The following DMD variants were observed in gnomAD, a reference collection of about 807,000 sequenced individuals.
DMD encodes the protein dystrophin.
A neutral mutation model predicts 330.1 loss-of-function variants in DMD; 63 were observed. That is an observed-to-expected ratio of 0.19 (90% CI 0.16 to 0.24). The LOEUF (loss-of-function observed/expected upper bound fraction) is 0.24, where lower values mean the gene tolerates loss of function less well. Ranked by LOEUF, DMD falls within the 10% of genes least tolerant of loss-of-function variation. DMD has a pLI of 1.00. For synonymous variants in DMD, 1,223 were observed against 959.8 expected (o/e 1.27, Z -5.07); for missense variants, 3,344 against 2,684.1 (o/e 1.25, Z -5.43).
At chrX:32,499,410 T>G (rs375539779) in intron 19 of DMD, among the ~76,000 whole-genome samples, 1 of 111,589 alleles carries the variant, frequency 9.0e-6, no homozygotes, top group Non-Finnish European at 1.9e-5. Flanking sequence ...TTTTTATTAG[T>G]GGCATAATAA....
chrX:32,264,218 C>T (rs893143183), intron 43 of DMD, among the ~76,000 whole-genome samples: 1 of 111,114 alleles, frequency 9.0e-6, no homozygotes, highest in Non-Finnish European at 1.9e-5. Flanking sequence ...CTTTGCTCGG[C>T]ACTTCTCCTT....
rs756846525 is a variant in DMD, at chrX:33,231,306, C to T, written c.7+107953G>A. ...ATTTCTTCAACCCTTACTTCTTGAG[C>T]GAACAGTCCATATGCAAATCAGTAT... On this transcript the variant is annotated intron_variant, in intron 1 of 17. Coordinates refer to the DMD transcript ENST00000288447. Among the ~76,000 whole-genome samples, 4 of 111,352 alleles carry T rather than the reference C, an allele frequency of 3.6e-5. No homozygotes were observed. The South Asian group carries it at 1.1e-3, about 32-fold the overall frequency.
intron 55 of DMD, among the ~76,000 whole-genome samples, chrX:31,528,895 C>A (rs2073455506): frequency 9.0e-6 from 1 of 111,019 alleles, no homozygotes; most frequent in Admixed American, 9.6e-5. Flanking sequence ...CTTTGGGAGG[C>A]CGAGGTAGGA....
At chrX:32,053,444 G>A (rs763366062) in intron 44 of DMD, among the ~76,000 whole-genome samples, 7 of 111,133 alleles carry the variant, frequency 6.3e-5, no homozygotes, top group Admixed American at 5.8e-4. Flanking sequence ...ATATGAATAA[G>A]GGAATGATAC....
chrX:32,239,016 G>T (rs2097198342), intron 43 of DMD, among the ~76,000 whole-genome samples: 1 of 111,783 alleles, frequency 8.9e-6, no homozygotes, highest in African/African-American at 3.3e-5. Flanking sequence ...GGATTACATA[G>T]AACAAGGTTT....
chrX:32,296,619 T>C (rs2097497759), intron 42 of DMD, among the ~76,000 whole-genome samples: 1 of 111,794 alleles, frequency 8.9e-6, no homozygotes, highest in African/African-American at 3.3e-5. Context: ...GTGGGATGTA[T>C]ATACAAACAT....
chrX:31,349,181 C>T (rs763432452), intron 60 of DMD, among the ~76,000 whole-genome samples: 3 of 112,672 alleles, frequency 2.7e-5, no homozygotes, highest in Non-Finnish European at 5.6e-5. Flanking sequence ...GTGACTCATG[C>T]CTGTAATCCC....
intron 50 of DMD, among the ~76,000 whole-genome samples, chrX:31,809,933 G>C (rs182380566): frequency 9.0e-6 from 1 of 111,109 alleles, no homozygotes; most frequent in Non-Finnish European, 1.9e-5. Flanking sequence ...GGAGATGTGG[G>C]GTTGGGTCCA....
intron 1 of DMD, among the ~76,000 whole-genome samples, chrX:33,289,209 T>C (rs2148928541): frequency 9.0e-6 from 1 of 111,399 alleles, no homozygotes; most frequent in South Asian, 3.8e-4. Context: ...TTTTTTCCTT[T>C]GAAAACCATT....
intron 51 of DMD, among the ~76,000 whole-genome samples, chrX:31,770,215 C>T (rs1056499064): frequency 4.4e-5 from 5 of 112,384 alleles, no homozygotes; most frequent in African/African-American, 1.6e-4. Context: ...TGCTTGCATC[C>T]AGAGAGCTCT....
At chrX:31,486,083 C>T (rs931510332) in intron 57 of DMD, among the ~76,000 whole-genome samples, 2 of 112,565 alleles carry the variant, frequency 1.8e-5, no homozygotes, top group Non-Finnish European at 3.8e-5. Flanking sequence ...AAAACCTTAT[C>T]TAAGTTCTAA....
chrX:32,042,365 G>A (rs1386191998), intron 44 of DMD, among the ~76,000 whole-genome samples: 1 of 109,446 alleles, frequency 9.1e-6, no homozygotes, highest in Non-Finnish European at 1.9e-5. Flanking sequence ...AAAGGGCATA[G>A]TAGAAAGCAA....
chrX:32,103,031 T>C (rs1425327994), intron 44 of DMD, among the ~76,000 whole-genome samples: 2 of 111,999 alleles, frequency 1.8e-5, no homozygotes, highest in African/African-American at 3.2e-5. Context: ...GGTTACTCCC[T>C]GTGATTACTT....
At chrX:32,263,892 C>T (rs948182384) in intron 43 of DMD, among the ~76,000 whole-genome samples, 2 of 111,433 alleles carry the variant, frequency 1.8e-5, no homozygotes, top group African/African-American at 6.5e-5. Flanking sequence ...TATTTGACAC[C>T]CAAAGGAAAA....
intron 49 of DMD, among the ~76,000 whole-genome samples, chrX:31,824,964 T>A (rs2092860315): frequency 8.9e-6 from 1 of 111,776 alleles, no homozygotes; most frequent in Non-Finnish European, 1.9e-5. Context: ...GTAACTTTTT[T>A]ATTTATTAAA....
chrX:33,127,231 A>G (rs143298418), intron 1 of DMD, among the ~76,000 whole-genome samples: 2,071 of 110,827 alleles, frequency 0.019, 55 homozygotes, highest in African/African-American at 0.064. Flanking sequence ...CAAGTCAGAA[A>G]CTCTTTGGAA....
intron 44 of DMD, among the ~76,000 whole-genome samples, chrX:32,065,841 T>C (rs895660826): frequency 1.1e-4 from 12 of 111,861 alleles, no homozygotes; most frequent in African/African-American, 3.9e-4. Context: ...ACGTAAGTAA[T>C]AGGCACATTT....
chrX:31,958,112 T>G (rs1476479528), intron 45 of DMD, among the ~76,000 whole-genome samples: 2 of 103,862 alleles, frequency 1.9e-5, no homozygotes, highest in African/African-American at 7.0e-5. Context: ...TTTTTTTTTT[T>G]TTTTTTTTAA....
At chrX:33,288,364 T>G in intron 1 of DMD, among the ~76,000 whole-genome samples, 1 of 111,753 alleles carries the variant, frequency 8.9e-6, no homozygotes, top group East Asian at 2.8e-4. Context: ...TTGAAATTTT[T>G]TAACTAAATC....
Sources: gnomAD v4.1 joint callset for allele counts (sites outside exome capture counted in the v4.1 genomes callset) on GRCh38, gnomAD v4.1.1 for gene constraint, MANE v1.5 for transcripts, NCBI Gene and HGNC (gene_info 2026-07-23, HGNC 2026-07-21) for gene names.